CCDC77: variants seen among roughly 807,000 people sequenced by gnomAD.
CCDC77 encodes coiled-coil domain containing 77, also known as coiled-coil domain-containing protein 77.
CCDC77 carries 56 observed loss-of-function variants against 66.8 expected under a neutral mutation model. The ratio of observed to expected loss-of-function variants is 0.84; its 90% CI spans 0.68 to 1.05. The LOEUF (loss-of-function observed/expected upper bound fraction) is 1.05, where lower values mean the gene tolerates loss of function less well. Ranked by LOEUF, CCDC77 falls within the 50% of genes least tolerant of loss-of-function variation. The pLI, the probability that CCDC77 is intolerant of heterozygous loss-of-function variation, is 0.00. For missense variants in CCDC77, 570 were observed against 576.8 expected (o/e 0.99, Z 0.12); for synonymous variants, 196 against 195.2 (o/e 1.00, Z -0.03).
At chr12:408,439 G>C (rs1431222296) in intron 2 of CCDC77, among the ~76,000 whole-genome samples, 2 of 152,170 alleles carry the variant, frequency 1.3e-5, no homozygotes, top group Non-Finnish European at 2.9e-5. Context: ...AATAGAGAAA[G>C]TACGCGAAAT....
chr12:437,665 C>G (rs980737866), intron 9 of CCDC77, among the ~76,000 whole-genome samples: 6 of 151,776 alleles, frequency 4.0e-5, no homozygotes, highest in Non-Finnish European at 8.8e-5. Flanking sequence ...AGGAACATAG[C>G]AAGACCCCAT....
intron 5 of CCDC77, among the ~76,000 whole-genome samples, chr12:426,575 CAAGAAGCTAATTT>C (rs1259352380): frequency 6.6e-6 from 1 of 152,140 alleles, no homozygotes; most frequent in African/African-American, 2.4e-5. Context: ...CCCCAGAAGC[CAAGAAGCTAATTT>C]GGAGGTACTG....
At chr12:428,049 C>T (rs926759723) in intron 5 of CCDC77, among the ~76,000 whole-genome samples, 2 of 152,104 alleles carry the variant, frequency 1.3e-5, no homozygotes, top group African/African-American at 4.8e-5. Context: ...TGGGCTGTCC[C>T]TGAGGAATGA....
intron 12 of CCDC77, among the ~76,000 whole-genome samples, chr12:441,264 G>T (rs1005744058): frequency 2.6e-5 from 4 of 152,208 alleles, no homozygotes; most frequent in Non-Finnish European, 4.4e-5. Flanking sequence ...GTAGATTAAA[G>T]AATCGTGTCT....
upstream of CCDC77, among the ~76,000 whole-genome samples, chr12:398,997 C>T (rs1944863337): frequency 6.6e-6 from 1 of 152,134 alleles, no homozygotes; most frequent in African/African-American, 2.4e-5. Flanking sequence ...AGTGATCCAC[C>T]CACGTTGGCC....
At chr12:440,586 T>C (rs1478978423) in intron 10 of CCDC77, 31 bp from the exon 11 acceptor site, 1 of 1,611,640 alleles carries the variant, frequency 6.2e-7, no homozygotes, top group Admixed American at 1.7e-5. Context: ...TAGAACTGAG[T>C]GTTAATGTTT....
chr12:431,066 CAAAA>C (rs372949107), intron 7 of CCDC77, among the ~76,000 whole-genome samples: 2 of 105,608 alleles, frequency 1.9e-5, no homozygotes, highest in East Asian at 3.0e-4. Context: ...AGACTATCTC[CAAAA>C]AAAAAAAAAA....
intron 5 of CCDC77, among the ~76,000 whole-genome samples, chr12:426,385 T>C (rs1185163899): frequency 6.6e-6 from 1 of 152,138 alleles, no homozygotes; most frequent in Non-Finnish European, 1.5e-5. Context: ...ATGACTGAAA[T>C]TGGGACCTAC....
At position 411,963 on chromosome 12, in the gene CCDC77, A is replaced by C. The variant is rs760447207; in HGVS notation, c.255A>C (p.Glu85Asp). The part of the protein sequence containing the change: ...DLLKKLELYK[E>D]ACEGQHKLEC... ...TGAAGAAACTGGAACTCTACAAAGA[A>C]GCTTGTGAAGGACAGGTAAAGAAAC... Residue 85 changes from glutamate (E) to aspartate (D), a missense_variant, in exon 4 of 13, where the codon GAA becomes GAC. Physicochemically the swap from Glu to Asp is conservative, Grantham distance 45 (BLOSUM62 2). Coordinates refer to ENST00000239830, the MANE Select transcript of CCDC77 (RefSeq NM_032358.4). The C allele has an allele frequency of 1.2e-5, 19 of 1,613,040 alleles. No individual in the cohort carries two copies. In the Admixed American group the frequency reaches 3.2e-4, roughly 27 times the overall value.
rs937226978 is a variant in CCDC77 at position 394,158 on chromosome 12, C to T, written c.-113+4672C>T. On this transcript the variant is annotated intron_variant, in intron 1 of 11. Coordinates refer to the CCDC77 transcript ENST00000422000. ...TGTTCATTTTCAAGAAAAGATCTGC[C>T]GTATCTAAGTCTGAACAACCATAGT... 5.3e-5 allele frequency among the ~76,000 whole-genome samples: 8 copies of T among 152,064 alleles called. 1 individual carries two copies. The highest frequency in any genetic ancestry group is 4.1e-4 in the South Asian group (2 of 4,828).
Position 409,359 on chromosome 12 carries a change from A to T in CCDC77, c.-16-9A>T. On this transcript the variant is annotated splice_polypyrimidine_tract_variant and intron_variant, in intron 2 of 12. Transcript: ENST00000239830. Reference sequence around the variant, plus strand: ...GGCCCGTAATTATGAATTTTTGTGTATTTGATAGGTGTGAAAAAGACAGCA... The same window carrying T: ...GGCCCGTAATTATGAATTTTTGTGTTTTTGATAGGTGTGAAAAAGACAGCA... The T allele has an allele frequency of 6.2e-7, 1 of 1,607,348 alleles. No individual in the cohort carries two copies. The highest frequency in any genetic ancestry group is 8.5e-7 in the Non-Finnish European group (1 of 1,174,946).
chr12:417,583 G>A (rs1053272606), intron 4 of CCDC77, among the ~76,000 whole-genome samples: 11 of 152,148 alleles, frequency 7.2e-5, no homozygotes, highest in Admixed American at 5.9e-4. Context: ...TTTCCTGCAT[G>A]TCATAATAAT....
chr12:414,514 A>G (rs1945183149), intron 4 of CCDC77, among the ~76,000 whole-genome samples: 1 of 151,984 alleles, frequency 6.6e-6, no homozygotes, highest in Non-Finnish European at 1.5e-5. Context: ...TTCTACTATA[A>G]ATGACCTTGT....
intron 4 of CCDC77, among the ~76,000 whole-genome samples, chr12:417,447 C>A (rs144716044): frequency 1.3e-5 from 2 of 152,126 alleles, no homozygotes; most frequent in Non-Finnish European, 2.9e-5. Context: ...ATTCCTGCCA[C>A]GCTTTCCCCC....
At chr12:435,495 A>G (rs1248661209) in intron 9 of CCDC77, among the ~76,000 whole-genome samples, 1 of 152,348 alleles carries the variant, frequency 6.6e-6, no homozygotes, top group South Asian at 2.1e-4. Context: ...AACCCCCTCA[A>G]GTCCATTCTC....
intron 1 of CCDC77, among the ~76,000 whole-genome samples, chr12:396,609 C>T (rs1398158618): frequency 6.6e-6 from 1 of 152,092 alleles, no homozygotes; most frequent in Non-Finnish European, 1.5e-5. Context: ...GAGCAAGGGA[C>T]AACTGTATTT....
rs764117257 is a variant in CCDC77 at position 440,900 on chromosome 12, A to G, written c.1224A>G (p.Ala408=). ...RLQIMTKRYE[A]LERRRILEVE... is the part of the protein sequence containing the mutation. ...AGATAATGACAAAACGCTATGAGGC[A>G]TTGGAGCGTCGACGTATCCTGGAAG... is the stretch of plus-strand genomic sequence containing the variant. Residue 408 remains alanine, a synonymous_variant, in exon 12 of 13, where the codon GCA becomes GCG. Transcript: ENST00000239830. The G allele has an allele frequency of 6.2e-7, 1 of 1,613,904 alleles. No homozygotes were observed. Among genetic ancestry groups the G allele is most frequent in the Non-Finnish European group, 8.5e-7 (1 of 1,180,026 alleles).
intron 3 of CCDC77, among the ~76,000 whole-genome samples, chr12:410,452 G>A (rs1349032304): frequency 6.6e-6 from 1 of 151,014 alleles, no homozygotes; most frequent in Admixed American, 6.6e-5. Context: ...ATTTTCGGTA[G>A]AGACTAGGTT....
rs781370354 is a variant in CCDC77 at position 411,815 on chromosome 12, C to A, written c.107C>A (p.Ser36Ter). 5.6e-6 allele frequency: 9 copies of A among 1,614,072 alleles called. No homozygotes were observed. Among genetic ancestry groups the A allele is most frequent in the Admixed American group, 5.0e-5 (3 of 59,994 alleles). The change falls in exon 4 of 13, where the codon TCA becomes TAA. Residue 36 changes from serine to a stop codon, truncating the protein, a stop_gained. Coordinates refer to ENST00000239830, the MANE Select transcript of CCDC77 (RefSeq NM_032358.4). LOFTEE classifies it high-confidence loss of function. ...ACCAAGAGGAGGGGAATGGCAGATTCACTGGAGTCAACCCCCTTGCCTTCC... is the reference window on the plus strand; with the variant it reads ...ACCAAGAGGAGGGGAATGGCAGATTAACTGGAGTCAACCCCCTTGCCTTCC... ...GPTKRRGMADSLESTPLPSPE... is the reference protein window; with the variant it reads ...GPTKRRGMAD
Sources: allele counts gnomAD v4.1 joint callset (sites outside exome capture counted in the v4.1 genomes callset), GRCh38; gene constraint gnomAD v4.1.1; transcripts MANE v1.5; gene names NCBI Gene and HGNC (gene_info 2026-07-23, HGNC 2026-07-21).